The following SLC35F3 variants were observed in gnomAD, a reference collection of about 807,000 sequenced individuals.
SLC35F3 encodes the protein solute carrier family 35 member F3, also known as putative thiamine transporter SLC35F3.
A neutral mutation model predicts 49.9 loss-of-function variants in SLC35F3; 25 were observed. The observed-to-expected ratio is 0.50, with a 90% CI of 0.37 to 0.70. The LOEUF (loss-of-function observed/expected upper bound fraction) is 0.70. Ranked by LOEUF, SLC35F3 falls within the 30% of genes least tolerant of loss-of-function variation. SLC35F3 has a pLI of 0.00. For synonymous variants in SLC35F3, 275 were observed against 265.4 expected (o/e 1.04, Z -0.35); for missense variants, 525 against 639.8 (o/e 0.82, Z 1.94).
chr1:234,286,397 G>A (rs1166767705), intron 3 of SLC35F3, among the ~76,000 whole-genome samples: 1 of 152,232 alleles, frequency 6.6e-6, no homozygotes, highest in African/African-American at 2.4e-5. Context: ...CTGGGGCCAG[G>A]GGCGGGGGCG....
intron 2 of SLC35F3, chr1:234,215,009 G>A: frequency 6.3e-6 from 1 of 159,874 alleles, no homozygotes; most frequent in Non-Finnish European, 1.4e-5. Context: ...GACCAAAGGT[G>A]CTGCCCGCAG....
chr1:233,950,457 T>TTTCC (rs374073382), intron 2 of SLC35F3, among the ~76,000 whole-genome samples: 38,998 of 127,020 alleles, frequency 0.31, 7,046 homozygotes, highest in South Asian at 0.38. Context: ...TCCTTCCTTC[T>TTTCC]TTCCTTCCTT....
intron 3 of SLC35F3, among the ~76,000 whole-genome samples, chr1:234,297,808 T>A (rs1668628929): frequency 6.7e-6 from 1 of 149,548 alleles, no homozygotes; most frequent in Admixed American, 6.6e-5. Flanking sequence ...TGCCAAAGGA[T>A]AAGGGGGGCA....
intron 2 of SLC35F3, among the ~76,000 whole-genome samples, chr1:233,949,423 G>C (rs905508785): frequency 4.6e-5 from 7 of 152,184 alleles, no homozygotes; most frequent in African/African-American, 1.7e-4. Context: ...TGTCTAGAGG[G>C]AGAGGAAGAC....
At chr1:234,230,580 T>C (rs1320408755) in intron 2 of SLC35F3, among the ~76,000 whole-genome samples, 1 of 152,218 alleles carries the variant, frequency 6.6e-6, no homozygotes, top group South Asian at 2.1e-4. Context: ...CACACAATCA[T>C]GAATGAAAAA....
At chr1:234,276,552 T>C (rs1668214358) in intron 3 of SLC35F3, among the ~76,000 whole-genome samples, 1 of 152,188 alleles carries the variant, frequency 6.6e-6, no homozygotes, top group Non-Finnish European at 1.5e-5. Flanking sequence ...TTCATGAAGA[T>C]GGGAGCTGTG....
chr1:234,299,784 G>A (rs1401535474), intron 3 of SLC35F3, among the ~76,000 whole-genome samples: 23 of 107,988 alleles, frequency 2.1e-4, no homozygotes, highest in African/African-American at 8.0e-4. Flanking sequence ...CAGCCTGAGC[G>A]ATAGAGCAAG....
At position 234,176,633 on chromosome 1, in the gene SLC35F3, T is replaced by C. The variant is rs541444258; in HGVS notation, c.284-54784T>C. ...AGAAAAGAACCCAGCCAAGGTGGGCTGACAGGGAGCTGAGGGGGTAGCCTT... is the reference window on the plus strand; with the variant it reads ...AGAAAAGAACCCAGCCAAGGTGGGCCGACAGGGAGCTGAGGGGGTAGCCTT... On this transcript the variant is annotated intron_variant, in intron 2 of 7. Transcript: ENST00000366618. Among the ~76,000 whole-genome samples the C allele has an allele frequency of 1.2e-4, 19 of 152,226 alleles. 1 individual carries two copies. In the South Asian group the frequency reaches 1.5e-3, roughly 12 times the overall value.
At chr1:234,169,710 C>G (rs1480390995) in intron 2 of SLC35F3, among the ~76,000 whole-genome samples, 1 of 152,164 alleles carries the variant, frequency 6.6e-6, no homozygotes, top group African/African-American at 2.4e-5. Context: ...TGTACAGCCC[C>G]CAGCTGTCCT....
intron 2 of SLC35F3, among the ~76,000 whole-genome samples, chr1:233,948,402 C>G (rs879826618): frequency 3.3e-5 from 5 of 152,106 alleles, no homozygotes; most frequent in Non-Finnish European, 7.4e-5. Context: ...CCATGTCAAT[C>G]TCAGTGGTTT....
chr1:234,135,724 A>G (rs1278248518), intron 2 of SLC35F3, among the ~76,000 whole-genome samples: 1 of 152,252 alleles, frequency 6.6e-6, no homozygotes, highest in Non-Finnish European at 1.5e-5. Flanking sequence ...AGCTGGTCAC[A>G]TAAGCGCCCT....
At chr1:234,232,519 CAAAAAA>C (rs536692686) in intron 3 of SLC35F3, among the ~76,000 whole-genome samples, 2,069 of 72,354 alleles carry the variant, frequency 0.029, 66 homozygotes, top group African/African-American at 0.11. Context: ...CAGGCCTAGT[CAAAAAA>C]AAAAAAAAAA....
intron 4 of SLC35F3, among the ~76,000 whole-genome samples, chr1:234,312,053 G>A (rs1252872421): frequency 6.6e-6 from 1 of 152,184 alleles, no homozygotes; most frequent in East Asian, 1.9e-4. Context: ...AATTGGAGGG[G>A]GTTGATGGAT....
intron 2 of SLC35F3, among the ~76,000 whole-genome samples, chr1:233,961,715 C>T (rs1208286039): frequency 6.6e-6 from 1 of 152,170 alleles, no homozygotes; most frequent in Non-Finnish European, 1.5e-5. Context: ...TTTGGCCTCC[C>T]AAAGTGCTAG....
intron 3 of SLC35F3, among the ~76,000 whole-genome samples, chr1:234,265,585 C>G (rs924776588): frequency 2.0e-5 from 3 of 152,094 alleles, no homozygotes; most frequent in Non-Finnish European, 4.4e-5. Flanking sequence ...TCTCACCAGC[C>G]CCACCATGTC....
intron 2 of SLC35F3, among the ~76,000 whole-genome samples, chr1:233,924,934 T>C (rs1210538839): frequency 6.6e-6 from 1 of 152,256 alleles, no homozygotes; most frequent in Non-Finnish European, 1.5e-5. Flanking sequence ...TCCATGTAGA[T>C]GTGCGGTTCT....
intron 2 of SLC35F3, among the ~76,000 whole-genome samples, chr1:234,042,419 CT>C (rs2102853747): frequency 6.6e-6 from 1 of 152,170 alleles, no homozygotes; most frequent in African/African-American, 2.4e-5. Context: ...TGATCATGGT[CT>C]TTAGGATATA....
chr1:234,229,119 G>A (rs539584307), intron 2 of SLC35F3, among the ~76,000 whole-genome samples: 501 of 152,288 alleles, frequency 3.3e-3, no homozygotes, highest in Middle Eastern at 0.01. Flanking sequence ...AATAATATGG[G>A]AAGCAGCCTC....
chr1:233,945,331 C>A (rs1259477869), intron 2 of SLC35F3, among the ~76,000 whole-genome samples: 1 of 152,078 alleles, frequency 6.6e-6, no homozygotes, highest in East Asian at 1.9e-4. Flanking sequence ...TAATTCAGCA[C>A]TAAGGAAATA....
Sources: allele counts gnomAD v4.1 joint callset (sites outside exome capture counted in the v4.1 genomes callset), GRCh38; gene constraint gnomAD v4.1.1; transcripts MANE v1.5; gene names NCBI Gene and HGNC (gene_info 2026-07-23, HGNC 2026-07-21).